AHNAK2: variants seen among roughly 807,000 people sequenced by gnomAD.
AHNAK2 encodes protein AHNAK2.
A neutral mutation model predicts 30.7 loss-of-function variants in AHNAK2; 18 were observed. That is an observed-to-expected ratio of 0.59 (90% confidence interval 0.41 to 0.87). AHNAK2 has a LOEUF of 0.87. Among genes scored for constraint, AHNAK2 ranks in the 40% least tolerant of loss-of-function variants. The pLI, the probability that AHNAK2 is intolerant of heterozygous loss-of-function variation, is 0.00. For synonymous variants in AHNAK2, 3,590 were observed against 3,073.8 expected, an observed-to-expected ratio of 1.17 and a Z score of -5.56; for missense variants, 8,604 against 7,373.0, an observed-to-expected ratio of 1.17 and a Z score of -6.11.
intron 1 of AHNAK2, among the ~76,000 whole-genome samples, chr14:104,970,804 C>T (rs889075463): frequency 1.2e-4 from 18 of 152,320 alleles, no homozygotes; most frequent in African/African-American, 3.8e-4. Flanking sequence ...CCTTAGTGTG[C>T]GCCAGGTCCT....
Position 104,941,900 on chromosome 14 carries a change from G to C in AHNAK2, c.13551C>G (p.Ser4517=). ...GGCCAGCCTGGACCTCCAGGTCGGC[G>C]GAAGGGGCCTGAATGCGGAGGTCAG... is the stretch of plus-strand genomic sequence containing the variant. ...KTTDLRIQAP[S]ADLEVQAGQV... The change falls in exon 7 of 7, where the codon TCC becomes TCG. Residue 4517 remains serine, a synonymous_variant. Coordinates refer to ENST00000333244, the MANE Select transcript of AHNAK2 (RefSeq NM_138420.4). 1 of 1,613,600 alleles carries C rather than the reference G, an allele frequency of 6.2e-7. No individual in the cohort carries two copies. Among genetic ancestry groups the C allele is most frequent in the Non-Finnish European group, 8.5e-7 (1 of 1,179,660 alleles).
At position 104,941,684 on chromosome 14, in the gene AHNAK2, C is replaced by T; in HGVS notation, c.13767G>A (p.Val4589=). ...CATCCGTCTCCACGCTGGGCAGAGA[C>T]ACCTCCACATCGGGGGCCATCACCT... ...KAEVMAPDVE[V]SLPSVETDVQ... The change falls in exon 7 of 7, where the codon GTG becomes GTA. Residue 4589 remains valine (V), a synonymous_variant. Coordinates refer to ENST00000333244, the MANE Select transcript of AHNAK2 (RefSeq NM_138420.4). 1 of 1,613,698 alleles carries T rather than the reference C, an allele frequency of 6.2e-7. No homozygotes were observed. Among genetic ancestry groups the T allele is most frequent in the Non-Finnish European group, 8.5e-7 (1 of 1,179,878 alleles).
intron 1 of AHNAK2, among the ~76,000 whole-genome samples, chr14:104,963,654 C>T (rs1899213490): frequency 6.6e-6 from 1 of 151,900 alleles, no homozygotes; most frequent in Admixed American, 6.6e-5. Context: ...CACGGTGAAA[C>T]CCTGTCTCTT....
Position 104,942,491 on chromosome 14 carries a change from C to A in AHNAK2, c.12960G>T (p.Ser4320=), listed in dbSNP as rs573615889. The A allele has an allele frequency of 6.2e-7, 1 of 1,612,472 alleles. No homozygotes were observed. The highest frequency in any genetic ancestry group is 8.5e-7 in the Non-Finnish European group (1 of 1,179,414). Residue 4320 remains serine, a synonymous_variant, in exon 7 of 7, where the codon TCG becomes TCT. Transcript: ENST00000333244. ...CCACCTTCAGCGCAGACACATCCAACGAGGCCTCGATGGACTTGCCTGGGG... is the reference window on the plus strand; with the variant it reads ...CCACCTTCAGCGCAGACACATCCAAAGAGGCCTCGATGGACTTGCCTGGGG... ...VSAPGKSIEA[S]LDVSALKVEA... is the part of the protein sequence containing the mutation.
chr14:104,970,308 C>A (rs1899439859), intron 1 of AHNAK2: 4 of 593,378 alleles, frequency 6.7e-6, no homozygotes, highest in East Asian at 1.5e-4. Context: ...TGAACTAACA[C>A]CCCTGCCCGT....
At chr14:104,978,090 C>T in intron 1 of AHNAK2, 93 bp downstream of exon 1, 1 of 1,058,002 alleles carries the variant, frequency 9.5e-7, no homozygotes, top group Non-Finnish European at 1.2e-6. Context: ...CCCCAAGGCC[C>T]GCACTGCGCG....
intron 1 of AHNAK2, among the ~76,000 whole-genome samples, chr14:104,972,887 A>G (rs1369880771): frequency 1.3e-5 from 2 of 152,174 alleles, no homozygotes; most frequent in African/African-American, 4.8e-5. Context: ...GACACACAGC[A>G]AGGGATGGGG....
Position 104,938,131 on chromosome 14 carries a change from G to A in AHNAK2, c.17320C>T (p.Leu5774=). 1 of 1,614,000 alleles carries A rather than the reference G, an allele frequency of 6.2e-7. No individual in the cohort carries two copies. Among genetic ancestry groups the A allele is most frequent in the Non-Finnish European group, 8.5e-7 (1 of 1,179,900 alleles). ...TCAGCTTTTCTGTCCTGCTCGGGCAGGATTAACTCTGTTCTTGCCGCGGAT... is the reference window on the plus strand; with the variant it reads ...TCAGCTTTTCTGTCCTGCTCGGGCAAGATTAACTCTGTTCTTGCCGCGGAT... ...VTSAARTELI[L]PEQDRKADDE... The change falls in exon 7 of 7, where the codon CTG becomes TTG. Residue 5774 remains leucine (L), a synonymous_variant. Coordinates refer to ENST00000333244, the MANE Select transcript of AHNAK2 (RefSeq NM_138420.4).
rs772252827 is a variant in AHNAK2 at position 104,951,108 on chromosome 14, G to C, written c.4343C>G (p.Thr1448Arg). 9.4e-7 allele frequency: 1 copy of C among 1,066,734 alleles called. No individual in the cohort carries two copies. The highest frequency in any genetic ancestry group is 1.5e-5 in the African/African-American group (1 of 68,900). 66.1% of individuals were successfully genotyped at this position (1,066,734 alleles called of 1,614,324 possible). ...CAGAGAAACCTCCACATCAGGGGCT[G>C]TCACTTCCACCTTGGGGTCTTTTAG... is the stretch of plus-strand genomic sequence containing the variant. ...LDLKDPKVEV[T>R]APDVEVSLPS... The change falls in exon 7 of 7, where the codon ACA becomes AGA. Residue 1448 changes from threonine to arginine, a missense_variant. Thr to Arg is a moderately conservative substitution (Grantham distance 71, BLOSUM62 -1). Coordinates refer to ENST00000333244, the MANE Select transcript of AHNAK2 (RefSeq NM_138420.4).
chr14:104,944,519 C>T lies in AHNAK2; in HGVS notation c.10932G>A (p.Lys3644=). The change falls in exon 7 of 7, where the codon AAG becomes AAA. Residue 3644 remains lysine, a synonymous_variant. Coordinates refer to ENST00000333244, the MANE Select transcript of AHNAK2 (RefSeq NM_138420.4). ...KDSKFKMPKF[K]MPSFRVSAPG... ...GGGCCGATACCCTGAATGACGGCAT[C>T]TTGAATTTGGGCATTTTGAACTTGC... The T allele has an allele frequency of 6.2e-7, 1 of 1,613,184 alleles. No homozygotes were observed. The highest frequency in any genetic ancestry group is 8.5e-7 in the Non-Finnish European group (1 of 1,179,616).
chr14:104,940,598 A>C lies in AHNAK2; in HGVS notation c.14853T>G (p.Ser4951Arg). Residue 4951 changes from serine to arginine, a missense_variant, in exon 7 of 7, where the codon AGT becomes AGG. Coordinates refer to ENST00000333244, the MANE Select transcript of AHNAK2 (RefSeq NM_138420.4). The surrounding 1 kb of genome is among the most constrained non-coding windows in gnomAD (Gnocchi z 4.4). ...SEDADHEGKG[S>R]PLKMPKIKLP... ...GCTTAATCTTAGGCATTTTCAAGGGACTCCCTTTCCCTTCGTGGTCAGCAT... is the reference window on the plus strand; with the variant it reads ...GCTTAATCTTAGGCATTTTCAAGGGCCTCCCTTTCCCTTCGTGGTCAGCAT... The C allele has an allele frequency of 6.2e-7, 1 of 1,613,230 alleles. No individual in the cohort carries two copies. The highest frequency in any genetic ancestry group is 8.5e-7 in the Non-Finnish European group (1 of 1,179,778).
Position 104,948,510 on chromosome 14 carries a change from T to C in AHNAK2, c.6941A>G (p.Lys2314Arg), listed in dbSNP as rs1049466143. The C allele has an allele frequency of 1.9e-6, 3 of 1,610,130 alleles. No individual in the cohort carries two copies. The highest frequency in any genetic ancestry group is 2.5e-6 in the Non-Finnish European group (3 of 1,178,584). ...CTTGGGCATTTTGAACTTGCTGTCT[T>C]TGGCAGTCACGTCCTTGTCGGCCAG... ...MSLADKDVTA[K>R]DSKFKMPKFK... The change falls in exon 7 of 7, where the codon AAA becomes AGA. Residue 2314 changes from lysine (K) to arginine (R), a missense_variant. Lys to Arg is a conservative substitution (Grantham distance 26, BLOSUM62 2). Transcript: ENST00000333244.
Position 104,938,521 on chromosome 14 carries a change from G to T in AHNAK2, c.16930C>A (p.Leu5644Met). The change falls in exon 7 of 7, where the codon CTG becomes ATG. Residue 5644 changes from leucine to methionine, a missense_variant. By Grantham distance (15) the Leu-to-Met change is conservative (BLOSUM62 2). Transcript: ENST00000333244. Reference sequence around the variant, plus strand: ...ATGTTTGGAAGCCAAAACCAGAGCAGACCAGATTTTTTACTTTCTGGTTTG... The same window carrying T: ...ATGTTTGGAAGCCAAAACCAGAGCATACCAGATTTTTTACTTTCTGGTTTG... ...KDKPESKKSGLLWFWLPNIGF... is the reference protein window; with the variant it reads ...KDKPESKKSGMLWFWLPNIGF... The T allele has an allele frequency of 6.2e-7, 1 of 1,613,544 alleles. No individual in the cohort carries two copies. The highest frequency in any genetic ancestry group is 8.5e-7 in the Non-Finnish European group (1 of 1,179,766).
intron 1 of AHNAK2, among the ~76,000 whole-genome samples, chr14:104,961,624 T>G (rs1201480857): frequency 6.6e-6 from 1 of 151,878 alleles, no homozygotes; most frequent in African/African-American, 2.4e-5. Context: ...TAAAGCATAA[T>G]GCAACCATTA....
At position 104,949,382 on chromosome 14, in the gene AHNAK2, A is replaced by T. The variant is rs184405851; in HGVS notation, c.6069T>A (p.Ser2023Arg). 3 of 1,567,644 alleles carry T rather than the reference A, an allele frequency of 1.9e-6. No individual in the cohort carries two copies. The highest frequency in any genetic ancestry group is 3.6e-5 in the Admixed American group (2 of 55,628). The change falls in exon 7 of 7, where the codon AGT (serine) becomes AGA (arginine). Residue 2023 changes from serine (S) to arginine (R), a missense_variant. By Grantham distance (110) the Ser-to-Arg change is moderately radical (BLOSUM62 -1). Coordinates refer to ENST00000333244, the MANE Select transcript of AHNAK2 (RefSeq NM_138420.4). ...VPAPKVEADV[S>R]LPSMQGDLKT... Reference sequence around the variant, plus strand: ...TCAGGTCCCCCTGCATGGAGGGGAGACTCACGTCGGCCTCCACCTTGGGTG... The same window carrying T: ...TCAGGTCCCCCTGCATGGAGGGGAGTCTCACGTCGGCCTCCACCTTGGGTG...
At position 104,947,638 on chromosome 14, in the gene AHNAK2, G is replaced by T; in HGVS notation, c.7813C>A (p.Pro2605Thr). The change falls in exon 7 of 7, where the codon CCC becomes ACC. Residue 2605 changes from proline (P) to threonine (T), a missense_variant. Transcript: ENST00000333244. ...CTGGACAGAGACATCTCCACATCGG[G>T]GGCTGTCACTTCCGCCTTGGGGCCT... is the stretch of plus-strand genomic sequence containing the variant. ...LKGPKAEVTA[P>T]DVEMSLSSME... 6.2e-7 allele frequency: 1 copy of T among 1,613,046 alleles called. No homozygotes were observed. Among genetic ancestry groups the T allele is most frequent in the Non-Finnish European group, 8.5e-7 (1 of 1,179,670 alleles).
chr14:104,940,806 C>T lies in AHNAK2; in HGVS notation c.14645G>A (p.Gly4882Glu), dbSNP rs1407447010. The change falls in exon 7 of 7, where the codon GGA becomes GAA. Residue 4882 changes from glycine (G) to glutamate (E), a missense_variant. Gly to Glu is a moderately conservative substitution (Grantham distance 98). Transcript: ENST00000333244. This position sits in a 1 kb window ranked among gnomAD's most constrained non-coding sequence, Gnocchi z 4.4. ...FSVPQMAVPE[G>E]DLHAAVGAPV... ...GGCACCCACTGCTGCATGTAGGTCT[C>T]CCTCAGGAACTGCCATTTGGGGGAC... 3 of 1,613,074 alleles carry T rather than the reference C, an allele frequency of 1.9e-6. No homozygotes were observed. Among genetic ancestry groups the T allele is most frequent in the Non-Finnish European group, 2.5e-6 (3 of 1,179,900 alleles).
rs777589450 is a variant in AHNAK2, at chr14:104,952,869, G to A, written c.2582C>T (p.Pro861Leu). 55 of 1,612,206 alleles carry A rather than the reference G, an allele frequency of 3.4e-5. No homozygotes were observed. Among genetic ancestry groups the A allele is most frequent in the Middle Eastern group, 1.6e-4 (1 of 6,070 alleles). The stretch of plus-strand genomic sequence containing the variant: ...GAGGCTCACGTCGGCCTCCACCTTC[G>A]GCGCAGACACATCCACCGAGTCCTC... ...SMEDSVDVSA[P>L]KVEADVSLSS... Residue 861 changes from proline to leucine, a missense_variant, in exon 7 of 7, where the codon CCG (proline) becomes CTG (leucine). Pro to Leu is a moderately conservative substitution (Grantham distance 98). Transcript: ENST00000333244.
intron 1 of AHNAK2, among the ~76,000 whole-genome samples, chr14:104,972,163 G>T (rs956963011): frequency 4.6e-5 from 7 of 152,218 alleles, no homozygotes; most frequent in African/African-American, 1.7e-4. Context: ...GGCTCCTCAG[G>T]CCTGAAAGGT....
Sources: gnomAD v4.1 joint callset for allele counts (sites outside exome capture counted in the v4.1 genomes callset) on GRCh38, gnomAD v4.1.1 for gene constraint, Gnocchi (gnomAD v3.1) non-coding constraint, MANE v1.5 for transcripts, NCBI Gene and HGNC (gene_info 2026-07-23, HGNC 2026-07-21) for gene names.